Variants in PCDH9 observed in about 807,000 individuals in gnomAD.
The protein encoded by PCDH9 is protocadherin 9.
A neutral mutation model predicts 70.6 loss-of-function variants in PCDH9; 24 were observed. That is an observed-to-expected ratio of 0.34 (90% confidence interval 0.25 to 0.48). The LOEUF (loss-of-function observed/expected upper bound fraction) is 0.48. PCDH9 is among the 20% of genes least tolerant of loss of function. The probability of loss-of-function intolerance (pLI) is 0.99; values close to 1 mark genes in which losing one functional copy is unlikely to be tolerated. For synonymous variants in PCDH9, 562 were observed against 558.5 expected, an observed-to-expected ratio of 1.01 and a Z score of -0.09; for missense variants, 1,281 against 1,503.6, an observed-to-expected ratio of 0.85 and a Z score of 2.45.
intron 3 of PCDH9, among the ~76,000 whole-genome samples, chr13:66,777,279 T>C (rs2079912010): frequency 6.6e-6 from 1 of 151,452 alleles, no homozygotes; most frequent in South Asian, 2.1e-4. Context: ...AATTGACAAA[T>C]GGGATCTAAT....
At chr13:67,145,863 A>G (rs1322911333) in intron 2 of PCDH9, among the ~76,000 whole-genome samples, 1 of 152,090 alleles carries the variant, frequency 6.6e-6, no homozygotes, top group Non-Finnish European at 1.5e-5. Flanking sequence ...AAAAGAGATG[A>G]TATATCTGTC....
intron 3 of PCDH9, among the ~76,000 whole-genome samples, chr13:66,791,160 AAG>A (rs2080157435): frequency 1.3e-5 from 2 of 152,158 alleles, no homozygotes; most frequent in Admixed American, 6.5e-5. Flanking sequence ...GTAATAATGC[AAG>A]AGTGATCCTT....
At position 67,039,680 on chromosome 13, in the gene PCDH9, AT is replaced by A. The variant is rs1262144663; in HGVS notation, c.3037-136076del. On this transcript the variant is annotated intron_variant, in intron 2 of 4. Coordinates refer to ENST00000377865, the MANE Select transcript of PCDH9 (RefSeq NM_203487.3). ...CTCTTCAACCTGGCTGTTTATTTGT[AT>A]TTTTATAATATTTTTATAATGAATC... 2.6e-5 allele frequency among the ~76,000 whole-genome samples: 4 copies of A among 152,240 alleles called. No homozygotes were observed. In the Middle Eastern group the frequency reaches 0.01, roughly 388 times the overall value.
At chr13:67,181,838 A>T (rs55982438) in intron 2 of PCDH9, among the ~76,000 whole-genome samples, 14,765 of 152,280 alleles carry the variant, frequency 0.097, 943 homozygotes, top group South Asian at 0.19. Flanking sequence ...CTATCTTCCA[A>T]TGGTTTATTC....
intron 2 of PCDH9, among the ~76,000 whole-genome samples, chr13:67,118,037 GAACTCAGTAAAATTTAGCAATCT>G (rs760284027): frequency 5.9e-5 from 9 of 152,114 alleles, no homozygotes; most frequent in Non-Finnish European, 1.2e-4. Context: ...GAGTTTGTCT[GAACTCAGTAAAATTTAGCAATCT>G]AACTTGCAGT....
intron 3 of PCDH9, among the ~76,000 whole-genome samples, chr13:66,703,397 T>C (rs2078671909): frequency 6.6e-6 from 1 of 152,184 alleles, no homozygotes; most frequent in Admixed American, 6.5e-5. Flanking sequence ...TAGTGCAGAG[T>C]GCCAGAATTT....
intron 3 of PCDH9, among the ~76,000 whole-genome samples, chr13:66,802,886 C>T (rs2080349299): frequency 6.6e-6 from 1 of 152,006 alleles, no homozygotes; most frequent in Admixed American, 6.6e-5. Context: ...ACTATTAATA[C>T]ATTATTTTAA....
chr13:66,766,190 G>A (rs1240626449), intron 3 of PCDH9, among the ~76,000 whole-genome samples: 1 of 151,940 alleles, frequency 6.6e-6, no homozygotes, highest in Admixed American at 6.6e-5. Context: ...CCAGATACAA[G>A]TAGCTGCAGC....
chr13:66,843,355 T>TAC (rs10580677), intron 3 of PCDH9, among the ~76,000 whole-genome samples: 32 of 151,358 alleles, frequency 2.1e-4, no homozygotes, highest in African/African-American at 6.5e-4. Flanking sequence ...TGCACATACA[T>TAC]ACACACACAC....
intron 4 of PCDH9, among the ~76,000 whole-genome samples, chr13:66,349,975 C>A (rs1956268874): frequency 6.6e-6 from 1 of 152,082 alleles, no homozygotes. Context: ...AAAAATTAAT[C>A]TTTATCCTGC....
intron 2 of PCDH9, among the ~76,000 whole-genome samples, chr13:66,946,751 T>C (rs2083094249): frequency 6.6e-6 from 1 of 151,986 alleles, no homozygotes; most frequent in Non-Finnish European, 1.5e-5. Context: ...AAATTGTATA[T>C]ATTTTAGAAA....
chr13:66,659,000 A>T (rs570349046), intron 3 of PCDH9, among the ~76,000 whole-genome samples: 29 of 152,300 alleles, frequency 1.9e-4, no homozygotes, highest in African/African-American at 7.0e-4. Flanking sequence ...TTGTAAGTAC[A>T]ATTGTCAGGA....
At chr13:66,932,416 A>G (rs958508888) in intron 2 of PCDH9, among the ~76,000 whole-genome samples, 4 of 152,134 alleles carry the variant, frequency 2.6e-5, no homozygotes, top group Non-Finnish European at 4.4e-5. Context: ...TAATTCTGCT[A>G]TAACCATCAA....
At chr13:67,189,370 A>G (rs1181460266) in intron 2 of PCDH9, among the ~76,000 whole-genome samples, 1 of 152,058 alleles carries the variant, frequency 6.6e-6, no homozygotes, top group Non-Finnish European at 1.5e-5. Context: ...CACCAATTAT[A>G]TGATAGTCAC....
intron 4 of PCDH9, among the ~76,000 whole-genome samples, chr13:66,503,442 TC>T (rs1959187612): frequency 6.6e-6 from 1 of 152,208 alleles, no homozygotes; most frequent in Admixed American, 6.5e-5. Context: ...TATAACCTCT[TC>T]TATGTAACTT....
rs937877243 is a variant in PCDH9, at chr13:66,314,558, T to C, written c.3341-9530A>G. On this transcript the variant is annotated intron_variant, in intron 4 of 4. Transcript: ENST00000377865. Reference sequence around the variant, plus strand: ...ATAAATATGTGGATTCCCCAATTTATATTTCTAGCCCTTAATCTTTCTCCT... The same window carrying C: ...ATAAATATGTGGATTCCCCAATTTACATTTCTAGCCCTTAATCTTTCTCCT... Among the ~76,000 whole-genome samples, 7 of 152,246 alleles carry C rather than the reference T, an allele frequency of 4.6e-5. No individual in the cohort carries two copies. The South Asian group carries it at 1.2e-3, about 27-fold the overall frequency.
chr13:66,806,958 C>A (rs2080420272), intron 3 of PCDH9, among the ~76,000 whole-genome samples: 1 of 152,098 alleles, frequency 6.6e-6, no homozygotes, highest in South Asian at 2.1e-4. Flanking sequence ...TCCCCTTCTA[C>A]CCCTATTATG....
chr13:67,021,287 G>A (rs2084668365), intron 2 of PCDH9, among the ~76,000 whole-genome samples: 1 of 152,134 alleles, frequency 6.6e-6, no homozygotes, highest in Non-Finnish European at 1.5e-5. Context: ...AATTCTGCAA[G>A]AACCACTCAT....
chr13:66,831,881 C>T (rs1048567594), intron 3 of PCDH9, among the ~76,000 whole-genome samples: 7 of 52,916 alleles, frequency 1.3e-4, no homozygotes, highest in Admixed American at 8.8e-4. Context: ...TTACAAGTCA[C>T]AAGTGTAATA....
Sources: gnomAD v4.1 joint callset for allele counts (sites outside exome capture counted in the v4.1 genomes callset) on GRCh38, gnomAD v4.1.1 for gene constraint, MANE v1.5 for transcripts, NCBI Gene and HGNC (gene_info 2026-07-23, HGNC 2026-07-21) for gene names.